Variants in EXOC1 observed in about 807,000 individuals in gnomAD.
EXOC1 encodes the protein SEC3-like 1.
In EXOC1, 67 loss-of-function variants were observed where a neutral mutation model predicts 107.7. The ratio of observed to expected loss-of-function variants is 0.62; its 90% confidence interval spans 0.51 to 0.76. EXOC1 has a LOEUF of 0.76. EXOC1 is among the 30% of genes least tolerant of loss of function. The probability of loss-of-function intolerance (pLI) is 0.00; values close to 1 mark genes in which losing one functional copy is unlikely to be tolerated. For synonymous variants in EXOC1, 348 were observed against 353.5 expected (o/e 0.98, Z 0.17); for missense variants, 833 against 1,055.7 (o/e 0.79, Z 2.92).
intron 8 of EXOC1, among the ~76,000 whole-genome samples, chr4:55,873,434 TC>T (rs1328893843): frequency 6.6e-6 from 1 of 152,154 alleles, no homozygotes; most frequent in African/African-American, 2.4e-5. Context: ...TCTATACAAT[TC>T]CTTAGTTTTT....
rs776968740 is a variant in EXOC1 at position 55,868,491 on chromosome 4, A to G, written c.571A>G (p.Lys191Glu). The change falls in exon 5 of 19, where the codon AAA becomes GAA. Residue 191 changes from lysine to glutamate, a missense_variant. Coordinates refer to ENST00000381295, the MANE Select transcript of EXOC1 (RefSeq NM_001024924.2). ...AISNAEAFAE[K>E]LSRELQVLDG... ...CTCGAATGCGGAAGCCTTTGCAGAAAAATTGTCCAGAGAGCTGCAGGTGCT... is the reference window on the plus strand; with the variant it reads ...CTCGAATGCGGAAGCCTTTGCAGAAGAATTGTCCAGAGAGCTGCAGGTGCT... 1.2e-6 allele frequency: 2 copies of G among 1,613,720 alleles called. No individual in the cohort carries two copies. Among genetic ancestry groups the G allele is most frequent in the African/African-American group, 1.3e-5 (1 of 74,920 alleles).
chr4:55,897,656 CCCAGGTTGGAGT>C (rs1725397579), intron 16 of EXOC1, among the ~76,000 whole-genome samples: 2 of 152,224 alleles, frequency 1.3e-5, no homozygotes, highest in South Asian at 4.1e-4. Context: ...CCAATTGTTG[CCCAGGTTGGAGT>C]GCGGTGGCAT....
At chr4:55,868,957 AGT>A (rs1560335989) in intron 5 of EXOC1, among the ~76,000 whole-genome samples, 1 of 152,206 alleles carries the variant, frequency 6.6e-6, no homozygotes, top group African/African-American at 2.4e-5. Context: ...ACCAAAGAAG[AGT>A]GGAGTGAGTG....
At chr4:55,861,710 C>T (rs78149216) in intron 3 of EXOC1, among the ~76,000 whole-genome samples, 3,078 of 152,260 alleles carry the variant, frequency 0.02, 122 homozygotes, top group African/African-American at 0.07. Flanking sequence ...CAGGATTTGA[C>T]AGAAATTTAG....
chr4:55,854,639 CTGAA>C (rs758704901), intron 1 of EXOC1, among the ~76,000 whole-genome samples: 1 of 152,182 alleles, frequency 6.6e-6, no homozygotes, highest in South Asian at 2.1e-4. Context: ...TGAGTATTTG[CTGAA>C]TGAATGAAGA....
At chr4:55,886,323 C>T (rs1056653087) in intron 10 of EXOC1, among the ~76,000 whole-genome samples, 8 of 151,860 alleles carry the variant, frequency 5.3e-5, no homozygotes, top group African/African-American at 1.5e-4. Context: ...GAGGCTGAGC[C>T]GGGAGGATGA....
In EXOC1 at chr4:55,870,898, T is replaced by A. The variant is rs752377692; in HGVS notation, c.824T>A (p.Phe275Tyr). 5 of 1,612,082 alleles carry A rather than the reference T, an allele frequency of 3.1e-6. No homozygotes were observed. In the Admixed American group the frequency reaches 5.0e-5, roughly 16 times the overall value. Reference protein sequence around the residue: ...NNVKLLSEIEFLVNHMDLAKG... With the variant: ...NNVKLLSEIEYLVNHMDLAKG... ...GTAAAACTCCTATCTGAGATAGAGT[T>A]CCTTGTGGTAAGTATGATCATAAAT... is the stretch of plus-strand genomic sequence containing the variant. The change falls in exon 6 of 19, where the codon TTC becomes TAC. Residue 275 changes from phenylalanine to tyrosine, a missense_variant. By Grantham distance (22) the Phe-to-Tyr change is conservative. Transcript: ENST00000381295.
chr4:55,855,456 A>G (rs1720873249), intron 1 of EXOC1, among the ~76,000 whole-genome samples: 1 of 152,220 alleles, frequency 6.6e-6, no homozygotes, highest in Non-Finnish European at 1.5e-5. Context: ...TATAGCTGTC[A>G]TGTTAGTGAA....
chr4:55,880,960 AAAG>A (rs1723325479), intron 9 of EXOC1, among the ~76,000 whole-genome samples: 1 of 152,198 alleles, frequency 6.6e-6, no homozygotes, highest in Non-Finnish European at 1.5e-5. Context: ...AATGAAGAAA[AAAG>A]AAGGAAACAG....
At chr4:55,857,340 C>T (rs939580876) in intron 1 of EXOC1, among the ~76,000 whole-genome samples, 5 of 151,460 alleles carry the variant, frequency 3.3e-5, no homozygotes, top group East Asian at 3.9e-4. Flanking sequence ...CCACCATGCC[C>T]GGCTAATTTT....
At chr4:55,879,225 G>A (rs761528696) in intron 9 of EXOC1, among the ~76,000 whole-genome samples, 7 of 152,186 alleles carry the variant, frequency 4.6e-5, no homozygotes, top group East Asian at 1.9e-4. Context: ...CTCAGAGTAC[G>A]TATTCTAGAG....
rs1320495983 is a variant in EXOC1, at chr4:55,890,102, CACTA to C, written c.1376-115_1376-112del. On this transcript the variant is annotated intron_variant, in intron 11 of 18. Transcript: ENST00000381295. ...ACCTATCCCTTATAGAAGATTTGTG[CACTA>C]ACTAATATGAGCCCTGGAAGATCAA... 37 of 858,668 alleles carry C rather than the reference CACTA, an allele frequency of 4.3e-5. No individual in the cohort carries two copies. The Middle Eastern group carries it at 8.6e-4, about 20-fold the overall frequency. The allele number at this position is 858,668 out of a possible 1,614,324, so 53.2% of individuals were successfully genotyped here.
chr4:55,870,126 C>T (rs10027680), intron 5 of EXOC1, among the ~76,000 whole-genome samples: 38,864 of 152,052 alleles, frequency 0.26, 5,274 homozygotes, highest in Non-Finnish European at 0.28. Flanking sequence ...GTATGCTCTT[C>T]TACATCCTGT....
intron 1 of EXOC1, among the ~76,000 whole-genome samples, chr4:55,855,516 A>G (rs1720877653): frequency 6.6e-6 from 1 of 152,236 alleles, no homozygotes; most frequent in Non-Finnish European, 1.5e-5. Context: ...GAATACAAAG[A>G]TGATTAAGAC....
At chr4:55,898,891 A>G (rs1163061308) in intron 16 of EXOC1, among the ~76,000 whole-genome samples, 2 of 152,160 alleles carry the variant, frequency 1.3e-5, no homozygotes, top group Non-Finnish European at 2.9e-5. Context: ...ATCTTTGTAT[A>G]CTTGTCAAAT....
At chr4:55,889,044 C>A in intron 11 of EXOC1, 112 bp downstream of exon 11, 2 of 1,007,984 alleles carry the variant, frequency 2.0e-6, no homozygotes, top group South Asian at 1.4e-5. Context: ...CTCTGAATTG[C>A]CAGGTATTGG....
intron 3 of EXOC1, among the ~76,000 whole-genome samples, chr4:55,861,067 A>G (rs1721429565): frequency 6.6e-6 from 1 of 152,234 alleles, no homozygotes; most frequent in African/African-American, 2.4e-5. Context: ...AACCACACTC[A>G]AACTCCAAGA....
At chr4:55,855,169 T>C (rs1720843377) in intron 1 of EXOC1, among the ~76,000 whole-genome samples, 1 of 152,248 alleles carries the variant, frequency 6.6e-6, no homozygotes, top group African/African-American at 2.4e-5. Context: ...CGTGATGTGA[T>C]ACAAACTGTC....
intron 16 of EXOC1, among the ~76,000 whole-genome samples, chr4:55,899,133 T>C (rs1254527502): frequency 1.3e-5 from 2 of 152,148 alleles, no homozygotes; most frequent in South Asian, 2.1e-4. Flanking sequence ...TTTCATTGAT[T>C]TTGTATATGG....
Sources: gnomAD v4.1 joint callset for allele counts (sites outside exome capture counted in the v4.1 genomes callset) on GRCh38, gnomAD v4.1.1 for gene constraint, MANE v1.5 for transcripts, NCBI Gene and HGNC (gene_info 2026-07-23, HGNC 2026-07-21) for gene names.